The following RMP24 variants were observed in gnomAD, a reference collection of about 807,000 sequenced individuals.
The protein encoded by RMP24 is ribonuclease MRP subunit p24.
the RMP24 span, chr18:35,973,060 A>C: frequency 3.0e-6 from 3 of 988,784 alleles, no homozygotes; most frequent in African/African-American, 4.9e-5. Flanking sequence ...TGAAAAATCC[A>C]AATTCTTTAA....
At chr18:35,978,729 A>C in the RMP24 span, 1 of 999,690 alleles carries the variant, frequency 1.0e-6, no homozygotes, top group Non-Finnish European at 1.4e-6. Flanking sequence ...TTGTCAAATG[A>C]TAATACACCG....
the RMP24 span, chr18:35,977,311 G>C: frequency 9.2e-7 from 1 of 1,092,362 alleles, no homozygotes; most frequent in Non-Finnish European, 1.3e-6. Context: ...TATAGTATCT[G>C]GTGTAGTCCC....
At chr18:35,978,395 C>A in the RMP24 span, among the ~76,000 whole-genome samples, 1 of 152,086 alleles carries the variant, frequency 6.6e-6, no homozygotes, top group Non-Finnish European at 1.5e-5. Flanking sequence ...CTGAGGTGGG[C>A]GGCTCAGGAG....
the RMP24 span, among the ~76,000 whole-genome samples, chr18:35,974,537 A>G: frequency 1.3e-5 from 2 of 152,358 alleles, no homozygotes; most frequent in East Asian, 1.9e-4. Context: ...TCGCAGTGCA[A>G]TTTGTTATTT....
the RMP24 span, chr18:35,972,708 C>G: frequency 3.1e-6 from 5 of 1,598,696 alleles, no homozygotes; most frequent in Non-Finnish European, 4.3e-6. Context: ...CCGCGGCGAG[C>G]CAGCGGCAGC....
At chr18:35,974,896 A>G in the RMP24 span, 2 of 1,609,842 alleles carry the variant, frequency 1.2e-6, no homozygotes, top group Admixed American at 1.7e-5. Flanking sequence ...ATAATTTTAG[A>G]TGATAAGAGC....
At chr18:35,978,428 C>T in the RMP24 span, among the ~76,000 whole-genome samples, 66 of 152,238 alleles carry the variant, frequency 4.3e-4, no homozygotes, top group Non-Finnish European at 7.5e-4. Flanking sequence ...CTGTGCAACA[C>T]GGTGAAATCC....
chr18:35,975,363 C>T, the RMP24 span, among the ~76,000 whole-genome samples: 56 of 152,260 alleles, frequency 3.7e-4, no homozygotes, highest in Non-Finnish European at 7.1e-4. Flanking sequence ...CACAAATGTG[C>T]GGATTTCTTG....
chr18:35,974,789 G>A, the RMP24 span: 1 of 1,017,512 alleles, frequency 9.8e-7, no homozygotes, highest in South Asian at 1.6e-5. Context: ...TACTTAATGT[G>A]TATCTGCTTA....
chr18:35,972,852 T>G, the RMP24 span: 2 of 1,614,200 alleles, frequency 1.2e-6, no homozygotes, highest in Non-Finnish European at 1.7e-6. Context: ...TAGGTGTTCC[T>G]TTGCTCCTCA....
chr18:35,977,439 A>T, the RMP24 span: 2 of 1,613,734 alleles, frequency 1.2e-6, no homozygotes, highest in Non-Finnish European at 8.5e-7. Context: ...GCAACAGAAC[A>T]GTGAAACATC....
chr18:35,975,062 G>C, the RMP24 span: 1 of 1,613,582 alleles, frequency 6.2e-7, no homozygotes, highest in South Asian at 1.1e-5. Context: ...AAGCAAAAAT[G>C]GTGAAAAAGT....
the RMP24 span, chr18:35,975,067 A>T: frequency 1.2e-6 from 2 of 1,613,546 alleles, no homozygotes; most frequent in Admixed American, 1.7e-5. Context: ...AAAATGGTGA[A>T]AAAGTTCAAA....
the RMP24 span, among the ~76,000 whole-genome samples, chr18:35,975,849 C>G: frequency 6.6e-6 from 1 of 152,010 alleles, no homozygotes; most frequent in African/African-American, 2.4e-5. Context: ...TAGGAGTTTA[C>G]CAGTGTTGGT....
the RMP24 span, among the ~76,000 whole-genome samples, chr18:35,976,861 C>T: frequency 6.6e-6 from 1 of 152,192 alleles, no homozygotes; most frequent in Non-Finnish European, 1.5e-5. Flanking sequence ...AAGTAGAGTT[C>T]ATTATCTTTG....
chr18:35,973,335 G>C, the RMP24 span: 1 of 244,512 alleles, frequency 4.1e-6, no homozygotes, highest in Non-Finnish European at 8.2e-6. Flanking sequence ...ATATACTGAG[G>C]ACTTACAAAT....
At chr18:35,975,008 ACTT>A in the RMP24 span, 1 of 1,614,196 alleles carries the variant, frequency 6.2e-7, no homozygotes, top group Non-Finnish European at 8.5e-7. Flanking sequence ...AAATACAGAA[ACTT>A]CTTAATCGAG....
At chr18:35,975,617 A>G in the RMP24 span, among the ~76,000 whole-genome samples, 1 of 152,220 alleles carries the variant, frequency 6.6e-6, no homozygotes, top group Non-Finnish European at 1.5e-5. Context: ...TATTGGGGAT[A>G]TAAGATGGAA....
At chr18:35,972,841 G>T in the RMP24 span, 1 of 1,614,240 alleles carries the variant, frequency 6.2e-7, no homozygotes, top group South Asian at 1.1e-5. Flanking sequence ...AGGCGAGCGG[G>T]TAGGTGTTCC....
Sources: allele counts gnomAD v4.1 joint callset (sites outside exome capture counted in the v4.1 genomes callset), GRCh38; gene constraint gnomAD v4.1.1; transcripts MANE v1.5; gene names NCBI Gene and HGNC (gene_info 2026-07-23, HGNC 2026-07-21).